The following PRDM16 variants were observed in gnomAD, a reference collection of about 807,000 sequenced individuals.
PRDM16 encodes histone-lysine N-methyltransferase PRDM16.
In PRDM16, 23 loss-of-function variants were observed where a neutral mutation model predicts 110.6. The observed-to-expected ratio is 0.21, with a 90% CI of 0.15 to 0.29. The LOEUF (loss-of-function observed/expected upper bound fraction) is 0.29, where lower values mean the gene tolerates loss of function less well. Among genes scored for constraint, PRDM16 ranks in the 10% least tolerant of loss-of-function variants. The probability of loss-of-function intolerance (pLI) is 1.00; values close to 1 mark genes in which losing one functional copy is unlikely to be tolerated. For synonymous variants in PRDM16, 799 were observed against 781.8 expected, an observed-to-expected ratio of 1.02 and a Z score of -0.37; for missense variants, 1,615 against 1,794.3, an observed-to-expected ratio of 0.90 and a Z score of 1.81.
intron 1 of PRDM16, among the ~76,000 whole-genome samples, chr1:3,134,449 C>A (rs753918861): frequency 2.0e-4 from 30 of 152,232 alleles, no homozygotes; most frequent in Non-Finnish European, 5.9e-5. Flanking sequence ...GGCCGAGGGG[C>A]CACGCTCATG....
At chr1:3,352,457 C>T (rs373594199) in intron 3 of PRDM16, among the ~76,000 whole-genome samples, 211 of 152,300 alleles carry the variant, frequency 1.4e-3, no homozygotes, top group African/African-American at 4.9e-3. Flanking sequence ...GGAGGGGACA[C>T]GGATTCCAGT....
rs1643131163 is a variant in PRDM16, at chr1:3,382,986, T to G, written c.439-2166T>G. 6.6e-6 allele frequency among the ~76,000 whole-genome samples: 1 copy of G among 152,198 alleles called. No individual in the cohort carries two copies. The highest frequency in any genetic ancestry group is 2.1e-4 in the South Asian group (1 of 4,836). Reference sequence around the variant, plus strand: ...CATCCCCCCGCCGCCAATGTTTTCCTCGGGCTCCAGCCCCTAGCCTAGTTA... The same window carrying G: ...CATCCCCCCGCCGCCAATGTTTTCCGCGGGCTCCAGCCCCTAGCCTAGTTA... On this transcript the variant is annotated intron_variant, in intron 3 of 16. Coordinates refer to ENST00000270722, the MANE Select transcript of PRDM16 (RefSeq NM_022114.4). The surrounding 1 kb of genome is among the most constrained non-coding windows in gnomAD (Gnocchi z 6.6).
chr1:3,280,569 C>T (rs563223167), intron 3 of PRDM16, among the ~76,000 whole-genome samples: 4 of 152,188 alleles, frequency 2.6e-5, no homozygotes, highest in Non-Finnish European at 2.9e-5. Context: ...TCGCCTCCCT[C>T]GACTCCCACC....
In PRDM16 at chr1:3,201,646, T is replaced by G. The variant is rs1228481240; in HGVS notation, c.387+15172T>G. On this transcript the variant is annotated intron_variant, in intron 2 of 16. Transcript: ENST00000270722. The surrounding 1 kb of genome is among the most constrained non-coding windows in gnomAD (Gnocchi z 4.1). Reference sequence around the variant, plus strand: ...AGCCCCGGCTCTGACGTTTCTCCAGTGACCCCTGGCAGGTCGGGGACCCCA... The same window carrying G: ...AGCCCCGGCTCTGACGTTTCTCCAGGGACCCCTGGCAGGTCGGGGACCCCA... 1.3e-5 allele frequency among the ~76,000 whole-genome samples: 2 copies of G among 152,202 alleles called. No individual in the cohort carries two copies. The highest frequency in any genetic ancestry group is 2.4e-5 in the African/African-American group (1 of 41,462).
At chr1:3,295,776 G>A (rs534937245) in intron 3 of PRDM16, among the ~76,000 whole-genome samples, 1 of 152,144 alleles carries the variant, frequency 6.6e-6, no homozygotes, top group Non-Finnish European at 1.5e-5. Context: ...TCTGTAGGCT[G>A]AAGACACCAC....
Position 3,390,415 on chromosome 1 carries a change from A to C in PRDM16, c.573+5129A>C, listed in dbSNP as rs1157156498. ...CCTGTAGCACCCCTGGATTGAGAGAAGCAGCCCCAATCTGCATAGCGCCCT... is the reference window on the plus strand; with the variant it reads ...CCTGTAGCACCCCTGGATTGAGAGACGCAGCCCCAATCTGCATAGCGCCCT... On this transcript the variant is annotated intron_variant, in intron 4 of 16. Transcript: ENST00000270722. This position sits in a 1 kb window ranked among gnomAD's most constrained non-coding sequence, Gnocchi z 5.0. Among the ~76,000 whole-genome samples, 1 of 152,136 alleles carries C rather than the reference A, an allele frequency of 6.6e-6. No individual in the cohort carries two copies. The highest frequency in any genetic ancestry group is 1.5e-5 in the Non-Finnish European group (1 of 68,024).
intron 1 of PRDM16, among the ~76,000 whole-genome samples, chr1:3,121,745 C>T (rs1479481953): frequency 5.9e-5 from 9 of 152,350 alleles, no homozygotes; most frequent in South Asian, 2.1e-4. Context: ...CCCTCCACCT[C>T]GGCTGCGCGC....
chr1:3,122,582 C>T lies in PRDM16; in HGVS notation c.37+53286C>T, dbSNP rs1024834158. On this transcript the variant is annotated intron_variant, in intron 1 of 16. Coordinates refer to ENST00000270722, the MANE Select transcript of PRDM16 (RefSeq NM_022114.4). ...GCAGAACAAACAAAACTCAAGTGCCCGCAAGAGGAAGAAAGGATCATTATA... is the reference window on the plus strand; with the variant it reads ...GCAGAACAAACAAAACTCAAGTGCCTGCAAGAGGAAGAAAGGATCATTATA... Among the ~76,000 whole-genome samples the T allele has an allele frequency of 4.6e-5, 7 of 152,056 alleles. No homozygotes were observed. The South Asian group carries it at 8.3e-4, about 18-fold the overall frequency.
At chr1:3,417,537 C>T (rs943897837) in intron 10 of PRDM16, among the ~76,000 whole-genome samples, 14 of 152,314 alleles carry the variant, frequency 9.2e-5, no homozygotes, top group African/African-American at 2.9e-4. Flanking sequence ...ACTCAGGTCC[C>T]GCCCAAACCG....
In PRDM16 at chr1:3,412,628, G is replaced by A. The variant is rs759159465; in HGVS notation, c.2431G>A (p.Ala811Thr). Residue 811 changes from alanine to threonine, a missense_variant, in exon 9 of 17, where the codon GCC (alanine) becomes ACC (threonine). By Grantham distance (58) the Ala-to-Thr change is moderately conservative (BLOSUM62 0). Around this residue, in one of 5 missense-constraint regions of PRDM16, gnomAD observed 772 missense variants for 748.3 expected, o/e 1.03. Transcript: ENST00000270722. ...QPLDLSIGSR[A>T]RASQNGGGRE... ...GCTGGACCTGAGCATCGGCAGCCGGGCCCGTGCCAGCCAAAACGGCGGCGG... is the reference window on the plus strand; with the variant it reads ...GCTGGACCTGAGCATCGGCAGCCGGACCCGTGCCAGCCAAAACGGCGGCGG... 8.2e-6 allele frequency: 13 copies of A among 1,578,782 alleles called. No individual in the cohort carries two copies. The East Asian group carries it at 2.5e-4, about 31-fold the overall frequency.
chr1:3,366,313 C>T (rs78812251), intron 3 of PRDM16, among the ~76,000 whole-genome samples: 4,119 of 152,312 alleles, frequency 0.027, 183 homozygotes, highest in African/African-American at 0.09. Context: ...CTCCGGGACG[C>T]GCTGATGTCC....
At chr1:3,242,398 C>T (rs529931756) in intron 2 of PRDM16, among the ~76,000 whole-genome samples, 21 of 152,296 alleles carry the variant, frequency 1.4e-4, no homozygotes, top group African/African-American at 4.8e-4. Context: ...GGGATCTGTC[C>T]TTCTACTCTC....
intron 3 of PRDM16, among the ~76,000 whole-genome samples, chr1:3,292,319 G>A (rs893437380): frequency 3.3e-5 from 5 of 152,204 alleles, no homozygotes; most frequent in Non-Finnish European, 5.9e-5. Flanking sequence ...CGGCAGGCCC[G>A]GGCTTTCCAA....
intron 2 of PRDM16, among the ~76,000 whole-genome samples, chr1:3,235,702 G>T (rs535428279): frequency 6.6e-6 from 1 of 152,224 alleles, no homozygotes; most frequent in Non-Finnish European, 1.5e-5. Flanking sequence ...CGCCTGACAT[G>T]GGGGAAAGAG....
Position 3,411,581 on chromosome 1 carries a change from C to G in PRDM16, c.1384C>G (p.Pro462Ala). ...TPGGIFAPGL[P>A]LTPSPMMDKA... ...GGGCGGCATCTTTGCCCCGGGCCTG[C>G]CCTTGACCCCCAGCCCCATGATGGA... The change falls in exon 9 of 17, where the codon CCC (proline) becomes GCC (alanine). Residue 462 changes from proline (P) to alanine (A), a missense_variant. Around this residue, in one of 5 missense-constraint regions of PRDM16, gnomAD observed 772 missense variants for 748.3 expected, o/e 1.03. Transcript: ENST00000270722. 1.2e-6 allele frequency: 2 copies of G among 1,614,050 alleles called. No homozygotes were observed. Among genetic ancestry groups the G allele is most frequent in the South Asian group, 2.2e-5 (2 of 91,084 alleles).
intron 3 of PRDM16, among the ~76,000 whole-genome samples, chr1:3,248,501 G>GA (rs1349722470): frequency 6.6e-6 from 1 of 151,876 alleles, no homozygotes; most frequent in Admixed American, 6.6e-5. Context: ...TGGGGACCTG[G>GA]AAAAAAAACC....
intron 1 of PRDM16, among the ~76,000 whole-genome samples, chr1:3,123,720 T>C (rs540890620): frequency 6.6e-6 from 1 of 152,278 alleles, no homozygotes; most frequent in East Asian, 1.9e-4. Context: ...ATCTTTTTCT[T>C]CTCATTTGCC....
At chr1:3,176,542 T>C (rs1220466762) in intron 1 of PRDM16, among the ~76,000 whole-genome samples, 1 of 150,472 alleles carries the variant, frequency 6.6e-6, no homozygotes, top group Non-Finnish European at 1.5e-5. Flanking sequence ...ATCCATTCAC[T>C]CATTAACCCA....
chr1:3,082,796 A>G (rs1379093013), intron 1 of PRDM16, among the ~76,000 whole-genome samples: 1 of 152,030 alleles, frequency 6.6e-6, no homozygotes, highest in Non-Finnish European at 1.5e-5. Flanking sequence ...GAGTCCACCG[A>G]GGGGGCCTGG....
Sources: allele counts gnomAD v4.1 joint callset (sites outside exome capture counted in the v4.1 genomes callset), GRCh38; gene constraint gnomAD v4.1.1; regional missense constraint gnomAD v4.1.1; non-coding constraint Gnocchi (gnomAD v3.1); transcripts MANE v1.5; gene names NCBI Gene and HGNC (gene_info 2026-07-23, HGNC 2026-07-21).